Variants in AKAP13 observed in about 807,000 individuals in gnomAD.
The protein encoded by AKAP13 is A-kinase anchor protein 13.
In AKAP13, 80 loss-of-function variants were observed where a neutral mutation model predicts 264.5. The observed-to-expected ratio is 0.30, with a 90% CI of 0.25 to 0.36. The LOEUF (loss-of-function observed/expected upper bound fraction) is 0.36, where lower values mean the gene tolerates loss of function less well. Among genes scored for constraint, AKAP13 ranks in the 10% least tolerant of loss-of-function variants. AKAP13 has a pLI of 1.00. For missense variants in AKAP13, 3,712 were observed against 3,435.2 expected (o/e 1.08, Z -2.01); for synonymous variants, 1,380 against 1,250.2 (o/e 1.10, Z -2.19).
intron 2 of AKAP13, among the ~76,000 whole-genome samples, chr15:85,519,175 A>AT (rs1465643091): frequency 3.6e-4 from 55 of 152,218 alleles, no homozygotes; most frequent in African/African-American, 1.3e-3. Flanking sequence ...ATTACCTTTT[A>AT]TGGCCCATTG....
At chr15:85,640,749 C>T (rs911562739) in intron 9 of AKAP13, among the ~76,000 whole-genome samples, 1 of 152,130 alleles carries the variant, frequency 6.6e-6, no homozygotes, top group African/African-American at 2.4e-5. Context: ...GTAATTAAAA[C>T]CACCCAAGAG....
intron 6 of AKAP13, chr15:85,577,782 G>A (rs1181646754): frequency 1.0e-6 from 1 of 984,466 alleles, no homozygotes; most frequent in Non-Finnish European, 1.2e-6. Context: ...TATCTGCCAT[G>A]CCACTGTTCC....
intron 10 of AKAP13, among the ~76,000 whole-genome samples, chr15:85,652,047 T>C (rs2082880936): frequency 6.6e-6 from 1 of 152,162 alleles, no homozygotes; most frequent in Non-Finnish European, 1.5e-5. Context: ...ATAAGAATAT[T>C]ATTCTGTGTG....
At chr15:85,564,477 T>C (rs2078533068) in intron 5 of AKAP13, among the ~76,000 whole-genome samples, 1 of 152,330 alleles carries the variant, frequency 6.6e-6, no homozygotes, top group East Asian at 1.9e-4. Context: ...TAACAGTGCA[T>C]TTATCAAAAT....
intron 2 of AKAP13, among the ~76,000 whole-genome samples, chr15:85,495,315 T>A (rs1484348870): frequency 2.0e-5 from 3 of 152,160 alleles, no homozygotes; most frequent in African/African-American, 7.2e-5. Flanking sequence ...CATTGGACCC[T>A]TGTGGTTAAT....
chr15:85,589,623 C>T (rs1488821497), intron 8 of AKAP13, among the ~76,000 whole-genome samples: 3 of 148,184 alleles, frequency 2.0e-5, no homozygotes, highest in African/African-American at 7.5e-5. Context: ...CAAGAGTTAG[C>T]CAGAAATTGC....
chr15:85,512,951 G>A (rs1048428693), intron 2 of AKAP13, among the ~76,000 whole-genome samples: 1 of 151,946 alleles, frequency 6.6e-6, no homozygotes, highest in East Asian at 1.9e-4. Context: ...CTGCCTCCTG[G>A]GTTCACGCCA....
chr15:85,465,047 AC>A (rs1567070833), intron 1 of AKAP13, among the ~76,000 whole-genome samples: 1 of 149,704 alleles, frequency 6.7e-6, no homozygotes, highest in South Asian at 2.1e-4. Flanking sequence ...TTCATGCCAT[AC>A]TCCTGCCTCA....
At chr15:85,736,048 C>G (rs750900036) in intron 32 of AKAP13, 42 bp from the exon 33 acceptor site, 2 of 1,465,778 alleles carry the variant, frequency 1.4e-6, no homozygotes, top group Non-Finnish European at 1.9e-6. Context: ...ATTTTTGCAT[C>G]AAGATCTTCA....
chr15:85,575,714 C>CCAGGCA (rs1414135641), intron 6 of AKAP13, among the ~76,000 whole-genome samples: 3 of 152,070 alleles, frequency 2.0e-5, no homozygotes, highest in Non-Finnish European at 4.4e-5. Flanking sequence ...ACTTTCCTGG[C>CCAGGCA]CAGGCACAGT....
intron 14 of AKAP13, among the ~76,000 whole-genome samples, chr15:85,673,428 G>A (rs1312516717): frequency 6.6e-6 from 1 of 152,052 alleles, no homozygotes; most frequent in Non-Finnish European, 1.5e-5. Context: ...GGGGGTCGCA[G>A]TAGCACAGGT....
intron 7 of AKAP13, chr15:85,582,741 A>T: frequency 3.5e-6 from 1 of 289,008 alleles, no homozygotes; most frequent in Non-Finnish European, 5.2e-6. Context: ...GTGGACCTCT[A>T]GTTCCATTGC....
At chr15:85,565,048 A>G (rs867567110) in intron 5 of AKAP13, among the ~76,000 whole-genome samples, 15 of 152,310 alleles carry the variant, frequency 9.8e-5, no homozygotes, top group Middle Eastern at 6.8e-3. Context: ...AAGATTGAAA[A>G]TTTCAAGGTA....
intron 17 of AKAP13, among the ~76,000 whole-genome samples, chr15:85,699,192 C>T (rs1488487026): frequency 6.6e-6 from 1 of 151,872 alleles, no homozygotes; most frequent in African/African-American, 2.4e-5. Context: ...AGCTGTAATC[C>T]CTGCACTTTG....
intron 8 of AKAP13, among the ~76,000 whole-genome samples, chr15:85,612,825 CA>C (rs1221143046): frequency 4.8e-5 from 2 of 41,348 alleles, no homozygotes; most frequent in Non-Finnish European, 5.9e-5. Flanking sequence ...CCCTGTCTCA[CA>C]AAAAAAAAAG....
chr15:85,522,871 A>C (rs2076870814), intron 3 of AKAP13, among the ~76,000 whole-genome samples: 2 of 150,086 alleles, frequency 1.3e-5, no homozygotes, highest in Non-Finnish European at 3.0e-5. Context: ...ACATTTCAGT[A>C]TTTTTCCATC....
intron 1 of AKAP13, among the ~76,000 whole-genome samples, chr15:85,403,420 C>T (rs559791532): frequency 3.3e-5 from 5 of 152,312 alleles, no homozygotes; most frequent in African/African-American, 1.2e-4. Flanking sequence ...TAGTGCCACT[C>T]ACTACAATTT....
chr15:85,481,157 C>T (rs1406064977), intron 1 of AKAP13: 2 of 152,058 alleles, frequency 1.3e-5, no homozygotes, highest in Admixed American at 1.3e-4. Context: ...AACTTCATGC[C>T]TGAGTTTCTC....
intron 4 of AKAP13, chr15:85,535,637 T>G (rs963877497): frequency 1.3e-5 from 2 of 152,218 alleles, no homozygotes; most frequent in African/African-American, 4.8e-5. Flanking sequence ...AAGATAGTAC[T>G]GCATTAGTTA....
Sources: allele counts gnomAD v4.1 joint callset (sites outside exome capture counted in the v4.1 genomes callset), GRCh38; gene constraint gnomAD v4.1.1; transcripts MANE v1.5; gene names NCBI Gene and HGNC (gene_info 2026-07-23, HGNC 2026-07-21).